ZNF705B: variants seen among roughly 807,000 people sequenced by gnomAD.
The protein encoded by ZNF705B is Putative zinc finger protein 705D-like protein LOC100132396.
A neutral mutation model predicts 10.5 loss-of-function variants in ZNF705B; 1 was observed. The ratio of observed to expected loss-of-function variants is 0.10; its 90% CI spans 0.03 to 0.45. The LOEUF is 0.45. Among genes scored for constraint, ZNF705B ranks in the 20% least tolerant of loss-of-function variants. The pLI, the probability that ZNF705B is intolerant of heterozygous loss-of-function variation, is 0.97. For missense variants in ZNF705B, 14 were observed against 84.0 expected, an observed-to-expected ratio of 0.17 and a Z score of 3.26; for synonymous variants, 4 against 25.4, an observed-to-expected ratio of 0.16 and a Z score of 2.53.
Position 7,941,832 on chromosome 8 carries a change from CT to C in ZNF705B, c.-71-5512del, listed in dbSNP as rs1287773046. On this transcript the variant is annotated intron_variant, in intron 2 of 6. Transcript: ENST00000400120. ...GCTAATTTTTTGTAATTTTTTTTTT[CT>C]TTTTTTAGTGGAGACAGAGTTTCAC... 2.8e-5 allele frequency among the ~76,000 whole-genome samples: 2 copies of C among 71,722 alleles called. 1 individual carries two copies. The highest frequency in any genetic ancestry group is 8.5e-5 in the African/African-American group (2 of 23,566). The allele number at this position is 71,722 out of a possible 152,430, so 47.1% of individuals were successfully genotyped here. A position where few individuals can be genotyped will look rare whatever the true frequency, so the allele number is the denominator to read the frequency against.
intron 1 of ZNF705B, among the ~76,000 whole-genome samples, chr8:7,929,634 A>G (rs1421410132): frequency 9.8e-4 from 118 of 120,730 alleles, no homozygotes; most frequent in East Asian, 2.7e-3. Context: ...CCATGCCATA[A>G]TTTGAACATT....
chr8:7,932,309 C>T (rs1819871777), intron 2 of ZNF705B, among the ~76,000 whole-genome samples: 1 of 121,032 alleles, frequency 8.3e-6, no homozygotes, highest in African/African-American at 2.5e-5. Context: ...TTCCATGCCT[C>T]AGAGATTCCT....
chr8:7,940,388 C>T (rs1820116879), intron 2 of ZNF705B, among the ~76,000 whole-genome samples: 1 of 140,978 alleles, frequency 7.1e-6, no homozygotes, highest in Non-Finnish European at 1.6e-5. Context: ...ATAACCATAT[C>T]CTTCACCTCC....
At chr8:7,937,133 A>C (rs1423466249) in intron 2 of ZNF705B, among the ~76,000 whole-genome samples, 1 of 114,768 alleles carries the variant, frequency 8.7e-6, no homozygotes, top group Non-Finnish European at 2.1e-5. Flanking sequence ...AAATAAGCTG[A>C]TGGAAAGGAA....
At chr8:7,933,929 CTTTTTTTTTTTT>C (rs1162997944) in intron 2 of ZNF705B, among the ~76,000 whole-genome samples, 2 of 29,364 alleles carry the variant, frequency 6.8e-5, no homozygotes, top group Non-Finnish European at 1.5e-4. Context: ...GTAATATAAA[CTTTTTTTTTTTT>C]TTTTTTTTTT....
At chr8:7,933,089 A>T (rs1260541882) in intron 2 of ZNF705B, among the ~76,000 whole-genome samples, 1 of 117,530 alleles carries the variant, frequency 8.5e-6, no homozygotes, top group African/African-American at 2.5e-5. Context: ...AGCTGACCTT[A>T]AAATAGGGAG....
rs868014407 is a variant in ZNF705B, at chr8:7,932,859, C to T, written c.-72+2423C>T. Among the ~76,000 whole-genome samples, 378 of 104,838 alleles carry T rather than the reference C, an allele frequency of 3.6e-3. 8 individuals are homozygous for T. The highest frequency in any genetic ancestry group is 9.7e-3 in the African/African-American group (362 of 37,308). The allele number at this position is 104,838 out of a possible 152,430, so 68.8% of individuals were successfully genotyped here. ...AGTACTTTACACAAAAAAGAAAACT[C>T]TATGAATGAGAATCTCTTCACACAA... is the stretch of plus-strand genomic sequence containing the variant. On this transcript the variant is annotated intron_variant, in intron 2 of 6. Coordinates refer to ENST00000400120, the MANE Select transcript of ZNF705B (RefSeq NM_001193630.1).
At chr8:7,933,861 G>C (rs1455007787) in intron 2 of ZNF705B, among the ~76,000 whole-genome samples, 7 of 82,894 alleles carry the variant, frequency 8.4e-5, no homozygotes, top group Middle Eastern at 7.6e-3. Flanking sequence ...TCAACTAAGA[G>C]CTCATCTAGA....
chr8:7,931,217 G>A (rs1819838829), intron 2 of ZNF705B, among the ~76,000 whole-genome samples: 1 of 121,184 alleles, frequency 8.3e-6, no homozygotes, highest in African/African-American at 2.5e-5. Context: ...TGGGAGGCAT[G>A]TGTAGCATCA....
rs530837377 is a variant in ZNF705B, at chr8:7,930,119, T to C, written c.-221-168T>C. Among the ~76,000 whole-genome samples the C allele has an allele frequency of 1.2e-3, 141 of 112,938 alleles. 3 individuals are homozygous for C. Among genetic ancestry groups the C allele is most frequent in the African/African-American group, 3.6e-3 (137 of 38,132 alleles). The allele number at this position is 112,938 out of a possible 152,430, so 74.1% of individuals were successfully genotyped here. On this transcript the variant is annotated intron_variant, in intron 1 of 6. Coordinates refer to ENST00000400120, the MANE Select transcript of ZNF705B (RefSeq NM_001193630.1). ...GAACATAGTACCAGATAGGTAGTTT[T>C]TTAACCCAACTCCTCCCTCCACCCT...
chr8:7,929,217 G>A (rs1257887159), intron 1 of ZNF705B, among the ~76,000 whole-genome samples: 3 of 121,730 alleles, frequency 2.5e-5, no homozygotes, highest in African/African-American at 7.5e-5. Context: ...GTGGAAAGAG[G>A]CAGTTGACAG....
chr8:7,940,398 C>T (rs1286312854), intron 2 of ZNF705B, among the ~76,000 whole-genome samples: 10 of 140,032 alleles, frequency 7.1e-5, no homozygotes, highest in Non-Finnish European at 1.6e-5. Flanking sequence ...CCTTCACCTC[C>T]CTAAGTCCCC....
chr8:7,929,257 A>G (rs1440239527), intron 1 of ZNF705B, among the ~76,000 whole-genome samples: 1 of 121,780 alleles, frequency 8.2e-6, no homozygotes, highest in African/African-American at 2.5e-5. Flanking sequence ...TCAAAATGCA[A>G]TTTTAATCAA....
intron 2 of ZNF705B, among the ~76,000 whole-genome samples, chr8:7,937,761 A>T (rs1820055056): frequency 1.1e-5 from 1 of 87,520 alleles, no homozygotes; most frequent in African/African-American, 3.1e-5. Flanking sequence ...TTCAGGCTTT[A>T]GAAAGTAATA....
At position 7,929,487 on chromosome 8, in the gene ZNF705B, C is replaced by A. The variant is rs1819783384; in HGVS notation, c.-221-800C>A. Among the ~76,000 whole-genome samples the A allele has an allele frequency of 1.7e-5, 2 of 120,878 alleles. 1 individual carries two copies. The highest frequency in any genetic ancestry group is 5.0e-5 in the African/African-American group (2 of 39,874). The allele number at this position is 120,878 out of a possible 152,430, so 79.3% of individuals were successfully genotyped here. A position where few individuals can be genotyped will look rare whatever the true frequency, so the allele number is the denominator to read the frequency against. On this transcript the variant is annotated intron_variant, in intron 1 of 6. Coordinates refer to ENST00000400120, the MANE Select transcript of ZNF705B (RefSeq NM_001193630.1). ...ATAATTTATTCTGGGGAAAAAAAGG[C>A]ACCAAACCTCAGAGCCATAAGCAGA...
At chr8:7,937,452 C>A (rs1481349153) in intron 2 of ZNF705B, among the ~76,000 whole-genome samples, 1 of 105,544 alleles carries the variant, frequency 9.5e-6, no homozygotes, top group African/African-American at 2.7e-5. Flanking sequence ...CAATTAGTTG[C>A]TTCTATTTTG....
chr8:7,931,715 A>T (rs1367499700), intron 2 of ZNF705B, among the ~76,000 whole-genome samples: 1 of 130,462 alleles, frequency 7.7e-6, no homozygotes, highest in Non-Finnish European at 1.8e-5. Flanking sequence ...GGGGGTCAGG[A>T]TTGCTGTCAG....
chr8:7,930,907 A>G (rs1289938029), intron 2 of ZNF705B, among the ~76,000 whole-genome samples: 1 of 129,614 alleles, frequency 7.7e-6, no homozygotes, highest in Non-Finnish European at 1.8e-5. Flanking sequence ...GCCAGGCTGC[A>G]GTGCAGTGGC....
chr8:7,931,616 G>A (rs1417221291), intron 2 of ZNF705B, among the ~76,000 whole-genome samples: 1 of 122,222 alleles, frequency 8.2e-6, no homozygotes, highest in African/African-American at 2.5e-5. Context: ...GGTGGGATGG[G>A]CCTGTGCTCT....
Sources: allele counts gnomAD v4.1 joint callset (sites outside exome capture counted in the v4.1 genomes callset), GRCh38; gene constraint gnomAD v4.1.1; transcripts MANE v1.5; gene names NCBI Gene and HGNC (gene_info 2026-07-23, HGNC 2026-07-21).